The following CNBD2 variants were observed in gnomAD, a reference collection of about 807,000 sequenced individuals.
CNBD2 encodes the protein cyclic nucleotide binding domain containing 2.
In CNBD2, 64 loss-of-function variants were observed where a neutral mutation model predicts 63.7. That is an observed-to-expected ratio of 1.00 (90% CI 0.82 to 1.24). The LOEUF (loss-of-function observed/expected upper bound fraction) is 1.24, where lower values mean the gene tolerates loss of function less well. CNBD2 is among the 50% of genes most tolerant of loss of function. CNBD2 has a pLI of 0.00. For synonymous variants in CNBD2, 229 were observed against 255.4 expected, an observed-to-expected ratio of 0.90 and a Z score of 0.99; for missense variants, 691 against 713.5, an observed-to-expected ratio of 0.97 and a Z score of 0.36.
intron 7 of CNBD2, among the ~76,000 whole-genome samples, chr20:35,994,087 C>T (rs2056786943): frequency 6.6e-6 from 1 of 151,324 alleles, no homozygotes; most frequent in South Asian, 2.1e-4. Flanking sequence ...TTGTTTGAGC[C>T]AGAGTTTTGC....
intron 4 of CNBD2, among the ~76,000 whole-genome samples, chr20:35,981,419 C>T (rs2056597937): frequency 6.6e-6 from 1 of 152,000 alleles, no homozygotes; most frequent in Non-Finnish European, 1.5e-5. Context: ...TGGGCCATCT[C>T]CTCTTTCTTT....
chr20:36,007,445 G>T (rs2057000763), intron 8 of CNBD2, among the ~76,000 whole-genome samples: 1 of 152,040 alleles, frequency 6.6e-6, no homozygotes, highest in Admixed American at 6.6e-5. Flanking sequence ...CACTGCAACT[G>T]GCTCTTGGTG....
chr20:35,979,712 T>C (rs2056570510), intron 3 of CNBD2, among the ~76,000 whole-genome samples: 1 of 152,164 alleles, frequency 6.6e-6, no homozygotes, highest in Non-Finnish European at 1.5e-5. Context: ...GCATCTGAGC[T>C]GAGACCAGAA....
chr20:35,954,772 C>T (rs1362401576), exon 1 of CNBD2: 6 of 479,700 alleles, frequency 1.3e-5, no homozygotes, highest in East Asian at 7.8e-5. Context: ...TGCGTGCGGG[C>T]GCCCCTTCTG....
At chr20:35,985,407 C>T (rs183208826) in intron 6 of CNBD2, among the ~76,000 whole-genome samples, 81 of 152,016 alleles carry the variant, frequency 5.3e-4, no homozygotes, top group Admixed American at 2.2e-3. Context: ...CTCAAGTGAT[C>T]CTGCCACTTT....
In CNBD2 at chr20:35,995,028, C is replaced by T; in HGVS notation, c.856-10C>T. The T allele has an allele frequency of 6.2e-7, 1 of 1,603,982 alleles. No homozygotes were observed. The highest frequency in any genetic ancestry group is 1.1e-5 in the South Asian group (1 of 90,830). On this transcript the variant is annotated splice_polypyrimidine_tract_variant and intron_variant, in intron 7 of 11. Coordinates refer to ENST00000373973, the MANE Select transcript of CNBD2 (RefSeq NM_001365709.1). ...GTTAACCCTTTTCCTATGTCCCTTG[C>T]TGTGTTCAGGGCAGCTGTGAAGTCC...
In CNBD2 at chr20:35,994,190, CGAATAGCTGG is replaced by C. The variant is rs545374705; in HGVS notation, c.856-845_856-836del. On this transcript the variant is annotated intron_variant, in intron 7 of 11. Transcript: ENST00000373973. Reference sequence around the variant, plus strand: ...AAGCGATTCTCCTGCCTCAGCCTCCCGAATAGCTGGGATTACAGGCATGTGCCACCACACC... The same window carrying C: ...AAGCGATTCTCCTGCCTCAGCCTCCCGATTACAGGCATGTGCCACCACACC... Among the ~76,000 whole-genome samples the C allele has an allele frequency of 3.3e-5, 5 of 151,530 alleles. 1 individual carries two copies. The East Asian group carries it at 9.7e-4, about 29-fold the overall frequency.
intron 10 of CNBD2, among the ~76,000 whole-genome samples, chr20:36,014,795 C>A (rs2057113069): frequency 1.3e-5 from 2 of 151,876 alleles, no homozygotes; most frequent in South Asian, 4.1e-4. Context: ...CCATGCCCAA[C>A]TAATTTTTTT....
At chr20:35,970,429 C>G (rs942667235) in intron 1 of CNBD2, among the ~76,000 whole-genome samples, 1 of 152,156 alleles carries the variant, frequency 6.6e-6, no homozygotes, top group African/African-American at 2.4e-5. Flanking sequence ...CAGAGTCTCA[C>G]TCTGTTGCCC....
At chr20:35,992,532 G>A (rs1291419613) in intron 7 of CNBD2, among the ~76,000 whole-genome samples, 4 of 152,194 alleles carry the variant, frequency 2.6e-5, no homozygotes, top group Admixed American at 2.6e-4. Context: ...GGGGTGCTGA[G>A]CCTTCATTCT....
intron 8 of CNBD2, among the ~76,000 whole-genome samples, chr20:36,006,246 T>A (rs2056983586): frequency 6.6e-6 from 1 of 151,964 alleles, no homozygotes. Flanking sequence ...GCCAGGCTGG[T>A]CTCGAACTCC....
intron 7 of CNBD2, among the ~76,000 whole-genome samples, chr20:35,988,643 AG>A (rs781334296): frequency 9.2e-5 from 14 of 152,222 alleles, no homozygotes; most frequent in Non-Finnish European, 1.8e-4. Context: ...CCATAGCCAT[AG>A]GTATAGGGAC....
chr20:36,017,179 G>A (rs138659700), intron 10 of CNBD2, among the ~76,000 whole-genome samples: 19 of 152,258 alleles, frequency 1.2e-4, no homozygotes, highest in Non-Finnish European at 2.5e-4. Context: ...GAGAGGAGGA[G>A]GAGCAGTGTG....
Position 35,984,108 on chromosome 20 carries a change from G to A in CNBD2, c.534G>A (p.Pro178=), listed in dbSNP as rs368014098. Residue 178 remains proline, a synonymous_variant, in exon 5 of 12, where the codon CCG becomes CCA. Coordinates refer to ENST00000373973, the MANE Select transcript of CNBD2 (RefSeq NM_001365709.1). ...GCAGTGCCTTCCTAGATCCCCACCC[G>A]AAATTGCTGCACAAGGGTAGCTGTT... is the stretch of plus-strand genomic sequence containing the variant. The part of the protein sequence containing the change: ...DGSSAFLDPH[P]KLLHKGSCFG... 1.9e-5 allele frequency: 31 copies of A among 1,611,674 alleles called. No homozygotes were observed. In the African/African-American group the frequency reaches 2.9e-4, roughly 15 times the overall value.
chr20:35,984,139 GT>G lies in CNBD2; in HGVS notation c.564+2del. Reference sequence around the variant, plus strand: ...GCTGCACAAGGGTAGCTGTTTTGGGGTAAGCCCAGGGGAAGGACCCAGTTTC... The same window carrying G: ...GCTGCACAAGGGTAGCTGTTTTGGGGAAGCCCAGGGGAAGGACCCAGTTTC... On this transcript the variant is annotated splice_donor_variant, in intron 5 of 11. Transcript: ENST00000373973. LOFTEE classifies it high-confidence loss of function. 1.3e-6 allele frequency: 2 copies of G among 1,597,264 alleles called. No homozygotes were observed. Among genetic ancestry groups the G allele is most frequent in the South Asian group, 1.1e-5 (1 of 88,066 alleles).
At chr20:35,975,615 ATTC>A (rs141658596) in intron 2 of CNBD2, among the ~76,000 whole-genome samples, 3,938 of 151,818 alleles carry the variant, frequency 0.026, 187 homozygotes, top group African/African-American at 0.091. Flanking sequence ...CTTTCTTTTT[ATTC>A]TTCCTTTTCT....
chr20:36,001,442 C>T (rs1363095225), intron 8 of CNBD2, among the ~76,000 whole-genome samples: 5 of 149,470 alleles, frequency 3.3e-5, no homozygotes, highest in South Asian at 2.1e-4. Context: ...TAGGGGCGGC[C>T]GGGCAGAGGC....
intron 7 of CNBD2, among the ~76,000 whole-genome samples, chr20:35,990,716 C>T (rs146138371): frequency 1.6e-3 from 243 of 151,422 alleles, no homozygotes; most frequent in African/African-American, 5.6e-3. Context: ...TTTGGGAGGC[C>T]GAGGCGGGTG....
Position 36,023,765 on chromosome 20 carries a change from T to C in CNBD2, c.1433T>C (p.Phe478Ser). Residue 478 changes from phenylalanine (F) to serine (S), a missense_variant, in exon 11 of 12, where the codon TTC becomes TCC. Coordinates refer to ENST00000373973, the MANE Select transcript of CNBD2 (RefSeq NM_001365709.1). ...IKKLLKLNIAFPSDEDMCQKF... is the reference protein window; with the variant it reads ...IKKLLKLNIASPSDEDMCQKF... Reference sequence around the variant, plus strand: ...AAGTTGTTAAAGCTCAATATTGCATTCCCCAGGTCAGTACTGGAAATGTGC... The same window carrying C: ...AAGTTGTTAAAGCTCAATATTGCATCCCCCAGGTCAGTACTGGAAATGTGC... 1 of 1,609,806 alleles carries C rather than the reference T, an allele frequency of 6.2e-7. No homozygotes were observed. The highest frequency in any genetic ancestry group is 1.1e-5 in the South Asian group (1 of 90,192).
Sources: allele counts gnomAD v4.1 joint callset (sites outside exome capture counted in the v4.1 genomes callset), GRCh38; gene constraint gnomAD v4.1.1; transcripts MANE v1.5; gene names NCBI Gene and HGNC (gene_info 2026-07-23, HGNC 2026-07-21).